LMBRD1: variants seen among roughly 807,000 people sequenced by gnomAD.
LMBRD1 encodes the protein LMBR1 domain containing 1, also known as lysosomal cobalamin transport escort protein LMBD1.
A neutral mutation model predicts 74.8 loss-of-function variants in LMBRD1; 64 were observed. That is an observed-to-expected ratio of 0.86 (90% CI 0.70 to 1.05). The LOEUF is 1.05. Among genes scored for constraint, LMBRD1 ranks in the 50% least tolerant of loss-of-function variants. The pLI is 0.00. For missense variants in LMBRD1, 652 were observed against 645.9 expected (o/e 1.01, Z -0.10); for synonymous variants, 204 against 216.3 (o/e 0.94, Z 0.50).
intron 12 of LMBRD1, among the ~76,000 whole-genome samples, chr6:69,700,519 A>C (rs1766103514): frequency 6.6e-6 from 1 of 151,812 alleles, no homozygotes; most frequent in Non-Finnish European, 1.5e-5. Context: ...AGCATTCCCC[A>C]ATTATAACAA....
chr6:69,757,244 T>A (rs981083292), intron 3 of LMBRD1, among the ~76,000 whole-genome samples: 1 of 152,146 alleles, frequency 6.6e-6, no homozygotes, highest in Non-Finnish European at 1.5e-5. Context: ...AGTTTGAGAA[T>A]GGACAACACT....
intron 3 of LMBRD1, among the ~76,000 whole-genome samples, chr6:69,764,796 G>T (rs536354650): frequency 6.6e-6 from 1 of 152,116 alleles, no homozygotes; most frequent in Non-Finnish European, 1.5e-5. Context: ...TGTGTCTTTT[G>T]AAAGACAAAG....
chr6:69,752,335 A>C lies in LMBRD1; in HGVS notation c.329T>G (p.Phe110Cys). ...GYYTLYSVIL[F>C]CVFFWIPFVY... ...AAAAGGGATCCAGAAGAACACACAGAACAATATAACAGAATATAAAGCTGT... is the reference window on the plus strand; with the variant it reads ...AAAAGGGATCCAGAAGAACACACAGCACAATATAACAGAATATAAAGCTGT... The change falls in exon 4 of 16, where the codon TTC becomes TGC. Residue 110 changes from phenylalanine (F) to cysteine (C), a missense_variant. By Grantham distance (205) the Phe-to-Cys change is radical (BLOSUM62 -2). Transcript: ENST00000649934. The C allele has an allele frequency of 6.2e-7, 1 of 1,609,472 alleles. No homozygotes were observed. The highest frequency in any genetic ancestry group is 8.5e-7 in the Non-Finnish European group (1 of 1,176,270).
Position 69,796,927 on chromosome 6 carries a change from G to C in LMBRD1, c.-46C>G, listed in dbSNP as rs1205639867. On this transcript the variant is annotated 5_prime_UTR_variant, in exon 1 of 16. Coordinates refer to ENST00000649934, the MANE Select transcript of LMBRD1 (RefSeq NM_018368.4). The stretch of plus-strand genomic sequence containing the variant: ...AACCTGAGCGCCCGGGGTGGGGAAA[G>C]GGGAGGGGGAAAGGGGAGAGAGCGC... 1 of 1,561,158 alleles carries C rather than the reference G, an allele frequency of 6.4e-7. No individual in the cohort carries two copies.
intron 1 of LMBRD1, among the ~76,000 whole-genome samples, chr6:69,795,296 TC>T (rs1163290174): frequency 2.0e-5 from 3 of 152,236 alleles, no homozygotes; most frequent in African/African-American, 7.2e-5. Flanking sequence ...TCTTCATCTA[TC>T]CAAACTCTAC....
chr6:69,776,014 C>G (rs1765690680), intron 3 of LMBRD1, among the ~76,000 whole-genome samples: 1 of 152,266 alleles, frequency 6.6e-6, no homozygotes, highest in South Asian at 2.1e-4. Context: ...TACAGCATCT[C>G]AATATATACT....
chr6:69,738,109 A>G, intron 6 of LMBRD1, 94 bp from the exon 7 acceptor site: 1 of 899,346 alleles, frequency 1.1e-6, no homozygotes, highest in Non-Finnish European at 1.8e-6. Flanking sequence ...CTGCTTACAC[A>G]TTTTGAAGAA....
At chr6:69,749,071 CAT>C in intron 5 of LMBRD1, among the ~76,000 whole-genome samples, 1 of 152,038 alleles carries the variant, frequency 6.6e-6, no homozygotes. Context: ...TTATATAAAA[CAT>C]AATCACATTT....
intron 2 of LMBRD1, among the ~76,000 whole-genome samples, chr6:69,784,321 C>T (rs9454892): frequency 0.087 from 13,292 of 152,192 alleles, 777 homozygotes; most frequent in Admixed American, 0.15. Flanking sequence ...TGTAATTGGT[C>T]GCATATGTAA....
rs1308824463 is a variant in LMBRD1 at position 69,703,189 on chromosome 6, T to C, written c.916-1236A>G. Among the ~76,000 whole-genome samples the C allele has an allele frequency of 2.0e-5, 3 of 152,098 alleles. No individual in the cohort carries two copies. In the East Asian group the frequency reaches 5.8e-4, roughly 29 times the overall value. On this transcript the variant is annotated intron_variant, in intron 9 of 15. Coordinates refer to ENST00000649934, the MANE Select transcript of LMBRD1 (RefSeq NM_018368.4). ...AGATTTTGAAGTGACTCCTTTATAG[T>C]AACAACTGCTCATTAGTAGAGGGTA...
Position 69,790,302 on chromosome 6 carries a change from T to C in LMBRD1, c.240A>G (p.Thr80=). ...LVSYMKNQNG[T]FKDWANANVS... ...AAAGTAAGATTATATTTACCTTAAA[T>C]GTACCATTTTGATTTTTCATGTAAG... is the stretch of plus-strand genomic sequence containing the variant. Residue 80 remains threonine, a synonymous_variant, in exon 2 of 16, where the codon ACA becomes ACG. Coordinates refer to ENST00000649934, the MANE Select transcript of LMBRD1 (RefSeq NM_018368.4). The C allele has an allele frequency of 6.2e-7, 1 of 1,604,948 alleles. No homozygotes were observed.
At chr6:69,728,271 C>T (rs78050620) in intron 7 of LMBRD1, among the ~76,000 whole-genome samples, 2 of 152,154 alleles carry the variant, frequency 1.3e-5, no homozygotes, top group Non-Finnish European at 2.9e-5. Context: ...AACCATTAGA[C>T]ACTACCCCGA....
chr6:69,694,398 T>A (rs747224404), intron 14 of LMBRD1, among the ~76,000 whole-genome samples: 5 of 152,142 alleles, frequency 3.3e-5, no homozygotes, highest in Non-Finnish European at 7.4e-5. Context: ...AATATGCAAC[T>A]CAAAGCACTT....
At chr6:69,734,306 C>T (rs896702837) in intron 7 of LMBRD1, among the ~76,000 whole-genome samples, 29 of 152,162 alleles carry the variant, frequency 1.9e-4, no homozygotes, top group Non-Finnish European at 1.5e-5. Flanking sequence ...TATCCTTCAG[C>T]CCAGCCCTCT....
chr6:69,782,186 ATAGTT>A (rs1204664667), intron 2 of LMBRD1, among the ~76,000 whole-genome samples: 3 of 152,222 alleles, frequency 2.0e-5, no homozygotes, highest in Non-Finnish European at 2.9e-5. Context: ...TAGTACATAG[ATAGTT>A]TATTCATTGG....
intron 7 of LMBRD1, among the ~76,000 whole-genome samples, chr6:69,721,887 C>T (rs1006673900): frequency 4.6e-5 from 7 of 152,114 alleles, no homozygotes; most frequent in African/African-American, 1.7e-4. Flanking sequence ...TCAGAAGAGC[C>T]CTTGGGCTTT....
intron 7 of LMBRD1, among the ~76,000 whole-genome samples, chr6:69,737,377 C>T (rs907472325): frequency 3.3e-5 from 5 of 151,958 alleles, no homozygotes; most frequent in Non-Finnish European, 7.4e-5. Flanking sequence ...CACCTTACCA[C>T]TTCCAGGAAG....
rs1170290392 is a variant in LMBRD1 at position 69,674,957 on chromosome 6, G to C, written c.*1201C>G. Among the ~76,000 whole-genome samples the C allele has an allele frequency of 6.6e-6, 1 of 152,034 alleles. No homozygotes were observed. Among genetic ancestry groups the C allele is most frequent in the Non-Finnish European group, 1.5e-5 (1 of 68,000 alleles). Reference sequence around the variant, plus strand: ...CATTGCACTCCAGCCTGGGCGACAAGAGTGAAACTCCATCTTAAAAAAAAA... The same window carrying C: ...CATTGCACTCCAGCCTGGGCGACAACAGTGAAACTCCATCTTAAAAAAAAA... On this transcript the variant is annotated 3_prime_UTR_variant, in exon 16 of 16. Transcript: ENST00000649934.
In LMBRD1 at chr6:69,752,271, A is replaced by G. The variant is rs760203552; in HGVS notation, c.393T>C (p.Thr131=). The G allele has an allele frequency of 1.2e-6, 2 of 1,609,864 alleles. No individual in the cohort carries two copies. Among genetic ancestry groups the G allele is most frequent in the Non-Finnish European group, 8.5e-7 (1 of 1,176,678 alleles). Reference sequence around the variant, plus strand: ...TAAAGATACTTACAGTACATTTACTAGTATCATCATCATCCTTTTCTTCAT... The same window carrying G: ...TAAAGATACTTACAGTACATTTACTGGTATCATCATCATCCTTTTCTTCAT... ...FYYEEKDDDD[T]SKCTQIKTAL... The change falls in exon 4 of 16, where the codon ACT becomes ACC. Residue 131 remains threonine (T), a synonymous_variant. Transcript: ENST00000649934.
Sources: allele counts gnomAD v4.1 joint callset (sites outside exome capture counted in the v4.1 genomes callset), GRCh38; gene constraint gnomAD v4.1.1; transcripts MANE v1.5; gene names NCBI Gene and HGNC (gene_info 2026-07-23, HGNC 2026-07-21).